The following KAT6B variants were observed in gnomAD, a reference collection of about 807,000 sequenced individuals.
KAT6B encodes the protein histone acetyltransferase KAT6B.
Under a neutral mutation model 187.5 loss-of-function variants are expected in KAT6B, and 10 were observed. That is an observed-to-expected ratio of 0.05 (90% CI 0.03 to 0.09). KAT6B has a LOEUF of 0.09. KAT6B is among the 10% of genes least tolerant of loss of function. The pLI is 1.00. For synonymous variants in KAT6B, 861 were observed against 926.8 expected (o/e 0.93, Z 1.29); for missense variants, 1,952 against 2,558.9 (o/e 0.76, Z 5.12).
chr10:74,880,398 T>C (rs1412080406), intron 3 of KAT6B, among the ~76,000 whole-genome samples: 1 of 152,264 alleles, frequency 6.6e-6, no homozygotes, highest in African/African-American at 2.4e-5. Flanking sequence ...AGCTGTAGTA[T>C]GTATCAGTAC....
At chr10:74,885,144 T>G (rs1293783689) in intron 3 of KAT6B, among the ~76,000 whole-genome samples, 3 of 152,110 alleles carry the variant, frequency 2.0e-5, no homozygotes, top group Non-Finnish European at 4.4e-5. Flanking sequence ...CATAGTTCAC[T>G]GCAGCCTCGA....
chr10:74,876,595 A>G (rs1393816448), intron 3 of KAT6B, among the ~76,000 whole-genome samples: 2 of 152,138 alleles, frequency 1.3e-5, no homozygotes, highest in Non-Finnish European at 2.9e-5. Flanking sequence ...TTGTATGTTA[A>G]TGTGGGCAGT....
intron 13 of KAT6B, among the ~76,000 whole-genome samples, chr10:74,997,071 T>C (rs555479795): frequency 6.8e-4 from 103 of 152,008 alleles, no homozygotes; most frequent in Non-Finnish European, 1.1e-3. Flanking sequence ...AATAGAGAAA[T>C]GGGCAGAGGA....
chr10:74,834,306 C>T (rs1841106553), intron 1 of KAT6B, among the ~76,000 whole-genome samples: 1 of 151,706 alleles, frequency 6.6e-6, no homozygotes, highest in South Asian at 2.1e-4. Context: ...CAAGCAATTC[C>T]CCTGCCTCAG....
chr10:74,842,804 T>C lies in KAT6B; in HGVS notation c.-54T>C. 6.2e-7 allele frequency: 1 copy of C among 1,601,950 alleles called. No individual in the cohort carries two copies. On this transcript the variant is annotated 5_prime_UTR_variant, in exon 3 of 18. Transcript: ENST00000287239. ...TTTCAAATGTGCAAGTTCTGTTAAA[T>C]ACAAAGAGAACCTCTATGGGTAACT...
intron 13 of KAT6B, 106 bp downstream of exon 13, chr10:74,989,218 A>G: frequency 1.2e-6 from 1 of 807,244 alleles, no homozygotes; most frequent in Non-Finnish European, 2.2e-6. Context: ...GTTTTTATCA[A>G]TAGATAATGG....
chr10:74,934,668 C>T (rs1349796833), intron 3 of KAT6B, among the ~76,000 whole-genome samples: 3 of 152,138 alleles, frequency 2.0e-5, no homozygotes, highest in African/African-American at 7.2e-5. Flanking sequence ...CTAGGCAGCA[C>T]CTTCTTCCTT....
At chr10:74,830,752 A>ATATATG (rs1564891931) in intron 1 of KAT6B, among the ~76,000 whole-genome samples, 1 of 22,534 alleles carries the variant, frequency 4.4e-5, no homozygotes, top group African/African-American at 3.3e-4. Flanking sequence ...ATATATATAT[A>ATATATG]TATATATATA....
chr10:75,009,049 A>G (rs1245100765), intron 13 of KAT6B, among the ~76,000 whole-genome samples: 1 of 152,202 alleles, frequency 6.6e-6, no homozygotes, highest in Non-Finnish European at 1.5e-5. Context: ...TTACACTTCC[A>G]ATCTACTTGT....
intron 3 of KAT6B, among the ~76,000 whole-genome samples, chr10:74,871,555 G>A (rs893577764): frequency 1.3e-5 from 2 of 152,090 alleles, no homozygotes; most frequent in African/African-American, 4.8e-5. Context: ...TTACAAGCTG[G>A]GCATGGTGGC....
intron 13 of KAT6B, among the ~76,000 whole-genome samples, chr10:74,992,521 A>C (rs1843181413): frequency 6.6e-6 from 1 of 152,224 alleles, no homozygotes; most frequent in South Asian, 2.1e-4. Flanking sequence ...ATCTCATGTA[A>C]GAGTGTTGTA....
chr10:75,031,307 T>A lies in KAT6B; in HGVS notation c.*261T>A. On this transcript the variant is annotated 3_prime_UTR_variant, in exon 18 of 18. Transcript: ENST00000287239. ...AATTCTCTGCAAAGGAAGGCCTCTC[T>A]TTGGACTACAATTTGGAGGCAGCCA... 1 of 486,172 alleles carries A rather than the reference T, an allele frequency of 2.1e-6. No homozygotes were observed. The highest frequency in any genetic ancestry group is 3.7e-6 in the Non-Finnish European group (1 of 269,382). 30.1% of individuals were successfully genotyped at this position (486,172 alleles called of 1,614,324 possible).
intron 3 of KAT6B, among the ~76,000 whole-genome samples, chr10:74,909,642 C>T (rs891303263): frequency 9.9e-5 from 15 of 152,166 alleles, no homozygotes; most frequent in Non-Finnish European, 2.2e-4. Context: ...TGGATGGATA[C>T]TGGCCTTCTG....
At chr10:74,937,741 C>T (rs1303721783) in intron 3 of KAT6B, among the ~76,000 whole-genome samples, 1 of 152,206 alleles carries the variant, frequency 6.6e-6, no homozygotes, top group Admixed American at 6.5e-5. Flanking sequence ...TAACTAAATG[C>T]TTACCAGAAT....
chr10:74,996,584 C>T (rs1843444166), intron 13 of KAT6B, among the ~76,000 whole-genome samples: 1 of 151,928 alleles, frequency 6.6e-6, no homozygotes, highest in African/African-American at 2.4e-5. Context: ...TCCTGGCTAA[C>T]ATGGTGAAAC....
At chr10:74,842,329 A>G (rs1841804463) in intron 2 of KAT6B, among the ~76,000 whole-genome samples, 3 of 152,198 alleles carry the variant, frequency 2.0e-5, no homozygotes, top group Admixed American at 2.0e-4. Context: ...GTTAATTTCA[A>G]TAAATATAAT....
intron 8 of KAT6B, 78 bp from the exon 9 acceptor site, chr10:74,977,238 G>T: frequency 6.6e-7 from 1 of 1,510,864 alleles, no homozygotes; most frequent in South Asian, 1.2e-5. Flanking sequence ...ATGCTAATTT[G>T]GTGCCATTTT....
chr10:74,955,880 T>C (rs1326966024), intron 3 of KAT6B, among the ~76,000 whole-genome samples: 1 of 152,194 alleles, frequency 6.6e-6, no homozygotes, highest in Non-Finnish European at 1.5e-5. Context: ...TATATTTATA[T>C]TTAGTTTTCA....
At chr10:74,982,173 T>C in intron 11 of KAT6B, 1 of 463,644 alleles carries the variant, frequency 2.2e-6, no homozygotes, top group Non-Finnish European at 4.0e-6. Flanking sequence ...AATCCCTGTC[T>C]ACACTAGATA....
Sources: gnomAD v4.1 joint callset for allele counts (sites outside exome capture counted in the v4.1 genomes callset) on GRCh38, gnomAD v4.1.1 for gene constraint, MANE v1.5 for transcripts, NCBI Gene and HGNC (gene_info 2026-07-23, HGNC 2026-07-21) for gene names.